ISCA1: variants seen among roughly 807,000 people sequenced by gnomAD.
ISCA1 encodes the protein iron-sulfur cluster assembly 1 homolog, mitochondrial.
ISCA1 carries 9 observed loss-of-function variants against 14.7 expected under a neutral mutation model. The observed-to-expected ratio is 0.61, with a 90% CI of 0.37 to 1.07. The LOEUF (loss-of-function observed/expected upper bound fraction) is 1.07. Among genes scored for constraint, ISCA1 ranks in the 50% least tolerant of loss-of-function variants. ISCA1 has a pLI of 0.01. For synonymous variants in ISCA1, 38 were observed against 54.3 expected, an observed-to-expected ratio of 0.70 and a Z score of 1.32; for missense variants, 102 against 150.1, an observed-to-expected ratio of 0.68 and a Z score of 1.67.
chr9:86,269,796 C>A (rs1049823271), intron 3 of ISCA1, among the ~76,000 whole-genome samples: 1 of 151,844 alleles, frequency 6.6e-6, no homozygotes, highest in African/African-American at 2.4e-5. Context: ...CGCATATCTA[C>A]AACTATCTGA....
intron 2 of ISCA1, among the ~76,000 whole-genome samples, chr9:86,272,892 T>A (rs1025702137): frequency 2.6e-4 from 40 of 152,252 alleles, no homozygotes; most frequent in Admixed American, 2.6e-3. Flanking sequence ...AGTCTGTACA[T>A]GTTTAATACA....
intron 1 of ISCA1, among the ~76,000 whole-genome samples, chr9:86,276,340 C>T (rs1465575565): frequency 4.6e-5 from 7 of 152,120 alleles, no homozygotes; most frequent in Admixed American, 3.9e-4. Flanking sequence ...GCTCTCACCT[C>T]CTGCTGTGAG....
chr9:86,269,171 T>G (rs1396835147), intron 3 of ISCA1, among the ~76,000 whole-genome samples: 1 of 152,204 alleles, frequency 6.6e-6, no homozygotes, highest in African/African-American at 2.4e-5. Flanking sequence ...ACAACAGGCT[T>G]GTGTTAACAC....
At chr9:86,266,505 T>C (rs150916121) in intron 3 of ISCA1, among the ~76,000 whole-genome samples, 1,680 of 152,218 alleles carry the variant, frequency 0.011, 10 homozygotes, top group Non-Finnish European at 0.018. Flanking sequence ...ATGAAGAAAA[T>C]GTATATTCTC....
intron 3 of ISCA1, among the ~76,000 whole-genome samples, chr9:86,268,510 T>C (rs1479997778): frequency 6.6e-6 from 1 of 151,420 alleles, no homozygotes; most frequent in Non-Finnish European, 1.5e-5. Flanking sequence ...GGTTAATTTA[T>C]TATTGAAGAC....
At chr9:86,267,410 C>T in intron 3 of ISCA1, 1 of 925,464 alleles carries the variant, frequency 1.1e-6, no homozygotes. Flanking sequence ...ATAGTTATAA[C>T]TTTAGTTTAA....
Position 86,282,414 on chromosome 9 carries a change from C to T in ISCA1, c.45G>A (p.Lys15=), listed in dbSNP as rs1427983716. Residue 15 remains lysine (K), a synonymous_variant, in exon 1 of 4, where the codon AAG becomes AAA. Coordinates refer to ENST00000375991, the MANE Select transcript of ISCA1 (RefSeq NM_030940.4). ...LVRATVRAVS[K]RKLQPTRAAL... ...CTGCCCGGGTGGGCTGCAGCTTCCTCTTGCTCACAGCCCGGACAGTTGCCC... is the reference window on the plus strand; with the variant it reads ...CTGCCCGGGTGGGCTGCAGCTTCCTTTTGCTCACAGCCCGGACAGTTGCCC... 1 of 1,555,524 alleles carries T rather than the reference C, an allele frequency of 6.4e-7. No homozygotes were observed. The highest frequency in any genetic ancestry group is 8.7e-7 in the Non-Finnish European group (1 of 1,149,706).
intron 3 of ISCA1, chr9:86,267,615 TA>T (rs1825305970): frequency 1.1e-6 from 1 of 880,056 alleles, no homozygotes; most frequent in Admixed American, 6.2e-5. Context: ...TAGCTTTGAA[TA>T]AAAATTGGAA....
intron 3 of ISCA1, among the ~76,000 whole-genome samples, chr9:86,268,888 G>T (rs541398360): frequency 8.5e-5 from 13 of 152,078 alleles, no homozygotes; most frequent in Middle Eastern, 3.4e-3. Flanking sequence ...TCCGCCTCCT[G>T]GGGTTCAAGC....
Position 86,266,184 on chromosome 9 carries a change from T to G in ISCA1, c.249A>C (p.Arg83Ser). ...GCTGTGCTTTCTTTTCGATGAATAC[T>G]CTGACTCCTTGGAGAAAAGAAAACA... ...SDEEVIQDGV[R>S]VFIEKKAQLT... The change falls in exon 4 of 4, where the codon AGA becomes AGC. Residue 83 changes from arginine (R) to serine (S), a missense_variant. Transcript: ENST00000375991. 6.2e-7 allele frequency: 1 copy of G among 1,604,838 alleles called. No individual in the cohort carries two copies. The highest frequency in any genetic ancestry group is 8.5e-7 in the Non-Finnish European group (1 of 1,176,856).
rs368789762 is a variant in ISCA1 at position 86,269,641 on chromosome 9, C to T, written c.241+2366G>A. On this transcript the variant is annotated intron_variant, in intron 3 of 3. Transcript: ENST00000375991. Reference sequence around the variant, plus strand: ...AAAAACCCGCATCGCCAAGTCAATCCTAAGCCAAAAGAACAAAGCTGGAGG... The same window carrying T: ...AAAAACCCGCATCGCCAAGTCAATCTTAAGCCAAAAGAACAAAGCTGGAGG... Among the ~76,000 whole-genome samples the T allele has an allele frequency of 1.7e-4, 26 of 152,092 alleles. No homozygotes were observed. The East Asian group carries it at 4.2e-3, about 25-fold the overall frequency.
At chr9:86,266,542 T>A (rs1587817079) in intron 3 of ISCA1, among the ~76,000 whole-genome samples, 1 of 152,000 alleles carries the variant, frequency 6.6e-6, no homozygotes, top group East Asian at 1.9e-4. Flanking sequence ...TAAAAAAAAA[T>A]TTATGAAAAT....
chr9:86,268,951 C>A (rs920259706), intron 3 of ISCA1, among the ~76,000 whole-genome samples: 1 of 151,564 alleles, frequency 6.6e-6, no homozygotes, highest in Non-Finnish European at 1.5e-5. Flanking sequence ...TGTGCCACCA[C>A]ACCCAGTTAA....
chr9:86,276,609 G>A (rs539957688), intron 1 of ISCA1, among the ~76,000 whole-genome samples: 2 of 152,186 alleles, frequency 1.3e-5, no homozygotes, highest in East Asian at 3.9e-4. Flanking sequence ...TTGGGAGGCC[G>A]AGGTGGAAGT....
In ISCA1 at chr9:86,265,861, T is replaced by A; in HGVS notation, c.*182A>T. 6 of 964,800 alleles carry A rather than the reference T, an allele frequency of 6.2e-6. No individual in the cohort carries two copies. The highest frequency in any genetic ancestry group is 9.8e-6 in the Non-Finnish European group (6 of 612,992). 59.8% of individuals were successfully genotyped at this position (964,800 alleles called of 1,614,324 possible). A position where few individuals can be genotyped will look rare whatever the true frequency, so the allele number is the denominator to read the frequency against. ...AAATGATCCAAAAAGAGTGATGGCT[T>A]CTCATTTTCTGTCCCCTATAGAGAA... On this transcript the variant is annotated 3_prime_UTR_variant, in exon 4 of 4. Transcript: ENST00000375991.
chr9:86,274,258 G>C lies in ISCA1; in HGVS notation c.82-16C>G, dbSNP rs1225914909. The C allele has an allele frequency of 5.2e-6, 8 of 1,541,438 alleles. No individual in the cohort carries two copies. The highest frequency in any genetic ancestry group is 7.2e-6 in the Non-Finnish European group (8 of 1,115,472). Reference sequence around the variant, plus strand: ...CTGAAGGTGTCTGAAAAAAGAAAATGATGTTTTTAGCTACAAAACTTGTTA... The same window carrying C: ...CTGAAGGTGTCTGAAAAAAGAAAATCATGTTTTTAGCTACAAAACTTGTTA... On this transcript the variant is annotated splice_polypyrimidine_tract_variant and intron_variant, in intron 1 of 3. Coordinates refer to ENST00000375991, the MANE Select transcript of ISCA1 (RefSeq NM_030940.4).
chr9:86,279,778 G>A (rs892062404), intron 1 of ISCA1, among the ~76,000 whole-genome samples: 1 of 152,012 alleles, frequency 6.6e-6, no homozygotes, highest in African/African-American at 2.4e-5. Context: ...GGCCTTTGAC[G>A]GCATCACTAC....
At chr9:86,273,006 G>A (rs1825391113) in intron 2 of ISCA1, among the ~76,000 whole-genome samples, 1 of 152,144 alleles carries the variant, frequency 6.6e-6, no homozygotes, top group South Asian at 2.1e-4. Context: ...TACAGCAAAA[G>A]TATCATAAGT....
intron 3 of ISCA1, among the ~76,000 whole-genome samples, chr9:86,269,494 T>C (rs1471949761): frequency 6.6e-6 from 1 of 151,712 alleles, no homozygotes; most frequent in Non-Finnish European, 1.5e-5. Context: ...AGAATCAATA[T>C]CGTGAAAATG....
Sources: allele counts gnomAD v4.1 joint callset (sites outside exome capture counted in the v4.1 genomes callset), GRCh38; gene constraint gnomAD v4.1.1; transcripts MANE v1.5; gene names NCBI Gene and HGNC (gene_info 2026-07-23, HGNC 2026-07-21).